The following PDE1A variants were observed in gnomAD, a reference collection of about 807,000 sequenced individuals.
PDE1A encodes the protein phosphodiesterase 1A, also known as dual specificity calcium/calmodulin-dependent 3',5'-cyclic nucleotide phosphodiesterase 1A.
Under a neutral mutation model 61.7 loss-of-function variants are expected in PDE1A, and 35 were observed. The ratio of observed to expected loss-of-function variants is 0.57; its 90% CI spans 0.43 to 0.75. The LOEUF (loss-of-function observed/expected upper bound fraction) is 0.75, where lower values mean the gene tolerates loss of function less well. Among genes scored for constraint, PDE1A ranks in the 30% least tolerant of loss-of-function variants. The pLI, the probability that PDE1A is intolerant of heterozygous loss-of-function variation, is 0.00. For missense variants in PDE1A, 597 were observed against 630.6 expected (o/e 0.95, Z 0.57); for synonymous variants, 232 against 213.2 (o/e 1.09, Z -0.77).
the PDE1A span, among the ~76,000 whole-genome samples, chr2:182,696,412 A>C: frequency 6.6e-6 from 1 of 152,256 alleles, no homozygotes; most frequent in Non-Finnish European, 1.5e-5. Flanking sequence ...CTGAAAAGGC[A>C]AAACTATGGA....
chr2:182,231,062 T>C (rs573884799), exon 5 of PDE1A: 1 of 1,609,164 alleles, frequency 6.2e-7, no homozygotes, highest in Admixed American at 1.7e-5. Flanking sequence ...TCATAAATCA[T>C]AAACTTCAGA....
chr2:182,296,256 G>A (rs920768672), intron 1 of PDE1A, among the ~76,000 whole-genome samples: 7 of 152,122 alleles, frequency 4.6e-5, no homozygotes, highest in South Asian at 2.1e-4. Context: ...CCCCAATGCC[G>A]TGCTGTAGAT....
At chr2:182,484,232 C>T (rs1241962030) in intron 2 of PDE1A, among the ~76,000 whole-genome samples, 3 of 151,902 alleles carry the variant, frequency 2.0e-5, no homozygotes, top group Non-Finnish European at 4.4e-5. Context: ...TGGAGGAACA[C>T]TTCCCAACTC....
intron 6 of PDE1A, among the ~76,000 whole-genome samples, chr2:182,226,991 T>C (rs1689194138): frequency 1.3e-5 from 2 of 152,020 alleles, no homozygotes; most frequent in South Asian, 4.1e-4. Context: ...GGTAAATATT[T>C]TTATGCCTAT....
chr2:182,411,565 A>G (rs1488733117), intron 1 of PDE1A, among the ~76,000 whole-genome samples: 2 of 152,114 alleles, frequency 1.3e-5, no homozygotes, highest in South Asian at 2.1e-4. Context: ...GATACTACAA[A>G]CAGTTTTTCA....
At chr2:182,544,530 T>C in the PDE1A span, among the ~76,000 whole-genome samples, 8 of 152,310 alleles carry the variant, frequency 5.3e-5, no homozygotes, top group Non-Finnish European at 1.0e-4. Flanking sequence ...GAGCTAAACA[T>C]GTGGCACCTG....
At chr2:182,715,226 T>A in the PDE1A span, among the ~76,000 whole-genome samples, 1 of 152,206 alleles carries the variant, frequency 6.6e-6, no homozygotes, top group Non-Finnish European at 1.5e-5. Context: ...TGCCTCAGTT[T>A]CCTCAAATGG....
chr2:182,187,987 CCTGCCTCGGCCT>C (rs1685370799), intron 11 of PDE1A, among the ~76,000 whole-genome samples: 1 of 150,968 alleles, frequency 6.6e-6, no homozygotes, highest in Admixed American at 6.6e-5. Flanking sequence ...CCGAGATCTA[CCTGCCTCGGCCT>C]CCCAAAGTGC....
intron 1 of PDE1A, among the ~76,000 whole-genome samples, chr2:182,366,002 T>G (rs926260923): frequency 6.6e-6 from 1 of 152,046 alleles, no homozygotes; most frequent in Non-Finnish European, 1.5e-5. Context: ...GGAATTTGCC[T>G]CCTGAGTACT....
At chr2:182,610,111 T>G in the PDE1A span, among the ~76,000 whole-genome samples, 163 of 148,080 alleles carry the variant, frequency 1.1e-3, 1 homozygote, top group African/African-American at 3.8e-3. Flanking sequence ...AAGAAAGAAA[T>G]GCATGCTCAG....
intron 1 of PDE1A, among the ~76,000 whole-genome samples, chr2:182,291,255 T>A (rs901925187): frequency 1.3e-5 from 2 of 152,076 alleles, no homozygotes; most frequent in Non-Finnish European, 2.9e-5. Context: ...GATTAAACTC[T>A]TCAGTCTTCC....
chr2:182,554,928 C>T, the PDE1A span, among the ~76,000 whole-genome samples: 1 of 152,194 alleles, frequency 6.6e-6, no homozygotes, highest in Non-Finnish European at 1.5e-5. Context: ...TTTGCACAAT[C>T]TCATCGATAT....
At chr2:182,644,181 CACCTGAGGATTT>C in the PDE1A span, among the ~76,000 whole-genome samples, 4 of 128,266 alleles carry the variant, frequency 3.1e-5, no homozygotes, top group South Asian at 1.1e-3. Flanking sequence ...TGAGCTTCTA[CACCTGAGGATTT>C]ACCAACCACC....
At chr2:182,410,807 C>G (rs910980611) in intron 1 of PDE1A, among the ~76,000 whole-genome samples, 2 of 152,174 alleles carry the variant, frequency 1.3e-5, no homozygotes, top group African/African-American at 4.8e-5. Flanking sequence ...TGACAAGACA[C>G]AGAAAAGAAG....
intron 1 of PDE1A, among the ~76,000 whole-genome samples, chr2:182,343,999 T>G (rs1164142803): frequency 6.6e-6 from 1 of 151,894 alleles, no homozygotes; most frequent in Non-Finnish European, 1.5e-5. Context: ...GCTTCCCAAG[T>G]AACTGGGACT....
At chr2:182,359,471 C>T (rs557147329) in intron 1 of PDE1A, among the ~76,000 whole-genome samples, 12 of 152,206 alleles carry the variant, frequency 7.9e-5, no homozygotes, top group Middle Eastern at 6.8e-3. Context: ...CAATGATTTA[C>T]GTAAATGACT....
intron 2 of PDE1A, among the ~76,000 whole-genome samples, chr2:182,464,483 T>C (rs1304713230): frequency 6.6e-6 from 1 of 152,124 alleles, no homozygotes; most frequent in African/African-American, 2.4e-5. Context: ...AGTAGGAGTT[T>C]TGGCCACCCT....
chr2:182,164,521 A>G (rs1691550000), downstream of PDE1A, among the ~76,000 whole-genome samples: 2 of 152,152 alleles, frequency 1.3e-5, no homozygotes. Context: ...GGTGTTAATA[A>G]TCAAGTGAAT....
chr2:182,146,780 G>A (rs1026440602), downstream of PDE1A, among the ~76,000 whole-genome samples: 15 of 152,108 alleles, frequency 9.9e-5, no homozygotes, highest in East Asian at 3.9e-4. Context: ...CACTGTGCCC[G>A]GCCATTTTTA....
Sources: allele counts gnomAD v4.1 joint callset (sites outside exome capture counted in the v4.1 genomes callset), GRCh38; gene constraint gnomAD v4.1.1; transcripts MANE v1.5; gene names NCBI Gene and HGNC (gene_info 2026-07-23, HGNC 2026-07-21).